Variants in TATDN2 observed in about 807,000 individuals in gnomAD.
TATDN2 encodes TatD DNase domain containing 2.
Under a neutral mutation model 60.3 loss-of-function variants are expected in TATDN2, and 44 were observed. The observed-to-expected ratio is 0.73, with a 90% CI of 0.57 to 0.94. TATDN2 has a LOEUF of 0.94. TATDN2 is among the 40% of genes least tolerant of loss of function. TATDN2 has a pLI of 0.00. For missense variants in TATDN2, 997 were observed against 948.0 expected (o/e 1.05, Z -0.68); for synonymous variants, 399 against 355.8 (o/e 1.12, Z -1.37).
intron 5 of TATDN2, among the ~76,000 whole-genome samples, chr3:10,276,952 CTTT>C (rs200656324): frequency 7.1e-5 from 10 of 141,174 alleles, no homozygotes; most frequent in Admixed American, 1.4e-4. Flanking sequence ...CATATTTGAC[CTTT>C]TTTTTTTTTT....
chr3:10,277,679 C>T (rs562282957), intron 5 of TATDN2, among the ~76,000 whole-genome samples: 24 of 152,120 alleles, frequency 1.6e-4, no homozygotes, highest in South Asian at 4.2e-4. Flanking sequence ...TTTTCTGGGT[C>T]GGTTGGTTTT....
In TATDN2 at chr3:10,265,681, CAAAAAAAA is replaced by C. The variant is rs60093055; in HGVS notation, c.949-4433_949-4426del. ...TGGGCAACAGAGCAAGACTCCGTCTCAAAAAAAAAAAAAAAAAAAAAAAAGTTTTTGTC... is the reference window on the plus strand; with the variant it reads ...TGGGCAACAGAGCAAGACTCCGTCTCAAAAAAAAAAAAAAAAGTTTTTGTC... On this transcript the variant is annotated intron_variant, in intron 3 of 7. Coordinates refer to ENST00000448281, the MANE Select transcript of TATDN2 (RefSeq NM_014760.4). Among the ~76,000 whole-genome samples, 164 of 62,698 alleles carry C rather than the reference CAAAAAAAA, an allele frequency of 2.6e-3. 3 individuals carry two copies. The highest frequency in any genetic ancestry group is 8.6e-3 in the Middle Eastern group (1 of 116). The allele number at this position is 62,698 out of a possible 152,430, so 41.1% of individuals were successfully genotyped here.
At position 10,248,574 on chromosome 3, in the gene TATDN2, G is replaced by T. The variant is rs1698167656; in HGVS notation, c.-500G>T. The T allele has an allele frequency of 1.3e-5, 2 of 151,848 alleles. No homozygotes were observed. The highest frequency in any genetic ancestry group is 2.1e-4 in the South Asian group (1 of 4,858). 9.4% of individuals were successfully genotyped at this position (151,848 alleles called of 1,614,324 possible). ...CAGGCGGGGCTGTAGGGCTGGGGCA[G>T]GCGGCGGGCTGCCCGGCGGGACAGC... On this transcript the variant is annotated 5_prime_UTR_variant, in exon 1 of 8. The change creates a new upstream start codon in the 5' untranslated region. Coordinates refer to ENST00000448281, the MANE Select transcript of TATDN2 (RefSeq NM_014760.4).
At chr3:10,251,244 G>A (rs1277472642) in intron 2 of TATDN2, among the ~76,000 whole-genome samples, 1 of 152,176 alleles carries the variant, frequency 6.6e-6, no homozygotes, top group East Asian at 1.9e-4. Flanking sequence ...TGCCCACAAT[G>A]TGGTATGATG....
rs965758613 is a variant in TATDN2, at chr3:10,249,464, C to T, written c.264C>T (p.Phe88=). The T allele has an allele frequency of 5.0e-6, 8 of 1,613,940 alleles. No individual in the cohort carries two copies. In the Admixed American group the frequency reaches 1.2e-4, roughly 24 times the overall value. The change falls in exon 2 of 8, where the codon TTC becomes TTT. Residue 88 remains phenylalanine (F), a synonymous_variant. Transcript: ENST00000448281. ...NNSSSSFSPH[F]LGPGVGGAAS... is the part of the protein sequence containing the mutation. ...CCTCCTCCTCCTTCTCCCCACATTT[C>T]TTGGGCCCTGGTGTGGGCGGGGCCG...
At chr3:10,256,015 T>G (rs1698303105) in intron 2 of TATDN2, among the ~76,000 whole-genome samples, 1 of 152,188 alleles carries the variant, frequency 6.6e-6, no homozygotes, top group South Asian at 2.1e-4. Flanking sequence ...CCTCCCCATT[T>G]TATGTCCTCT....
At chr3:10,255,214 A>G (rs1220212711) in intron 2 of TATDN2, among the ~76,000 whole-genome samples, 2 of 150,548 alleles carry the variant, frequency 1.3e-5, no homozygotes, top group African/African-American at 2.4e-5. Flanking sequence ...TTTTTTTGCC[A>G]TGTTGCCCAG....
Position 10,278,518 on chromosome 3 carries a change from G to C in TATDN2, c.2145+56G>C. ...CCGGAGGGAGAGGGTGGGGAGGTGG[G>C]TGGTCACCCTTACAAGGTTGGCAGG... On this transcript the variant is annotated intron_variant, in intron 6 of 7. Coordinates refer to ENST00000448281, the MANE Select transcript of TATDN2 (RefSeq NM_014760.4). This position sits in a 1 kb window ranked among gnomAD's most constrained non-coding sequence, Gnocchi z 4.7. 6.3e-7 allele frequency: 1 copy of C among 1,594,258 alleles called. No homozygotes were observed. The highest frequency in any genetic ancestry group is 1.3e-5 in the African/African-American group (1 of 74,636).
chr3:10,251,074 C>T (rs1201281998), intron 2 of TATDN2, among the ~76,000 whole-genome samples: 1 of 152,148 alleles, frequency 6.6e-6, no homozygotes, highest in African/African-American at 2.4e-5. Context: ...ACCCACCTTT[C>T]TCTCATTAAG....
Position 10,278,313 on chromosome 3 carries a change from C to T in TATDN2, c.1996C>T (p.Pro666Ser). Residue 666 changes from proline (P) to serine (S), a missense_variant, in exon 6 of 8, where the codon CCC (proline) becomes TCC (serine). By Grantham distance (74) the Pro-to-Ser change is moderately conservative. Coordinates refer to ENST00000448281, the MANE Select transcript of TATDN2 (RefSeq NM_014760.4). This position sits in a 1 kb window ranked among gnomAD's most constrained non-coding sequence, Gnocchi z 4.7. ...CACCGGCAGCTACCCGGTCATTGAG[C>T]CCCTGCTGAAGTACTTTCCCAACAT... ...CFTGSYPVIEPLLKYFPNMSV... is the reference protein window; with the variant it reads ...CFTGSYPVIESLLKYFPNMSV... 1.2e-6 allele frequency: 2 copies of T among 1,614,104 alleles called. No individual in the cohort carries two copies. Among genetic ancestry groups the T allele is most frequent in the Non-Finnish European group, 1.7e-6 (2 of 1,179,972 alleles).
Position 10,254,012 on chromosome 3 carries a change from C to T in TATDN2, c.414+4398C>T, listed in dbSNP as rs113185609. ...CGAAGGTGCCAGGGTCCCTCCCTTG[C>T]GGAGCTCTCTGCAGGGTGAGTTAGC... On this transcript the variant is annotated intron_variant, in intron 2 of 7. Coordinates refer to ENST00000448281, the MANE Select transcript of TATDN2 (RefSeq NM_014760.4). 5.4e-4 allele frequency among the ~76,000 whole-genome samples: 83 copies of T among 152,320 alleles called. 1 individual carries two copies. The highest frequency in any genetic ancestry group is 1.6e-3 in the African/African-American group (66 of 41,588).
At chr3:10,261,669 C>T (rs1460516475) in intron 3 of TATDN2, among the ~76,000 whole-genome samples, 1 of 152,172 alleles carries the variant, frequency 6.6e-6, no homozygotes. Context: ...TGCCAGGCCA[C>T]ATTCCTCCAT....
chr3:10,255,545 T>C (rs1283463302), intron 2 of TATDN2, among the ~76,000 whole-genome samples: 1 of 152,162 alleles, frequency 6.6e-6, no homozygotes, highest in Non-Finnish European at 1.5e-5. Flanking sequence ...ACTCCAGTCT[T>C]GGTCTTCACA....
chr3:10,267,547 T>C (rs1041617099), intron 3 of TATDN2, among the ~76,000 whole-genome samples: 5 of 152,228 alleles, frequency 3.3e-5, no homozygotes, highest in Admixed American at 3.3e-4. Context: ...TTCGTCTCTA[T>C]AGATTCATCC....
chr3:10,251,718 T>C (rs1698234728), intron 2 of TATDN2, among the ~76,000 whole-genome samples: 3 of 152,096 alleles, frequency 2.0e-5, no homozygotes, highest in African/African-American at 4.8e-5. Context: ...AATTATTTTA[T>C]TTTTTTGAAA....
At chr3:10,252,693 C>CT (rs57537171) in intron 2 of TATDN2, among the ~76,000 whole-genome samples, 2,399 of 147,078 alleles carry the variant, frequency 0.016, 44 homozygotes, top group African/African-American at 0.045. Context: ...GCTCTGTAAA[C>CT]TTTTTTTTTT....
chr3:10,277,917 G>T (rs1459722673), intron 5 of TATDN2, among the ~76,000 whole-genome samples: 9 of 152,048 alleles, frequency 5.9e-5, no homozygotes, highest in Admixed American at 5.9e-4. Context: ...TTGACTACTT[G>T]GGCATAGTTT....
chr3:10,251,264 G>T (rs867442616), intron 2 of TATDN2, among the ~76,000 whole-genome samples: 1 of 152,134 alleles, frequency 6.6e-6, no homozygotes, highest in Non-Finnish European at 1.5e-5. Flanking sequence ...GGAGTAGTGA[G>T]CCCAGAATGG....
At chr3:10,261,197 C>T (rs879479491) in intron 3 of TATDN2, among the ~76,000 whole-genome samples, 4 of 152,104 alleles carry the variant, frequency 2.6e-5, no homozygotes, top group Non-Finnish European at 4.4e-5. Context: ...TTGACAAGAG[C>T]GGGGAAACCC....
Sources: allele counts gnomAD v4.1 joint callset (sites outside exome capture counted in the v4.1 genomes callset), GRCh38; gene constraint gnomAD v4.1.1; non-coding constraint Gnocchi (gnomAD v3.1); transcripts MANE v1.5; gene names NCBI Gene and HGNC (gene_info 2026-07-23, HGNC 2026-07-21).